Variants in CAMK4 observed in about 807,000 individuals in gnomAD.
CAMK4 encodes calcium/calmodulin dependent protein kinase IV.
In CAMK4, 22 loss-of-function variants were observed where a neutral mutation model predicts 44.9. That is an observed-to-expected ratio of 0.49 (90% CI 0.35 to 0.70). The LOEUF is 0.70. CAMK4 is among the 30% of genes least tolerant of loss of function. The probability of loss-of-function intolerance (pLI) is 0.01; values close to 1 mark genes in which losing one functional copy is unlikely to be tolerated. For synonymous variants in CAMK4, 218 were observed against 215.4 expected (o/e 1.01, Z -0.11); for missense variants, 498 against 586.8 (o/e 0.85, Z 1.56).
chr5:111,418,489 T>C (rs893557815), intron 5 of CAMK4, among the ~76,000 whole-genome samples: 11 of 151,936 alleles, frequency 7.2e-5, no homozygotes, highest in Admixed American at 6.6e-5. Context: ...ATGTGCACAA[T>C]GTGCAGATTT....
intron 5 of CAMK4, among the ~76,000 whole-genome samples, chr5:111,432,421 A>G (rs746802919): frequency 3.9e-5 from 6 of 152,004 alleles, no homozygotes; most frequent in Non-Finnish European, 7.4e-5. Flanking sequence ...ATTAAAAAGA[A>G]TGAATAAGGC....
chr5:111,360,470 C>T (rs1368868471), intron 2 of CAMK4, among the ~76,000 whole-genome samples: 3 of 152,074 alleles, frequency 2.0e-5, no homozygotes, highest in Non-Finnish European at 4.4e-5. Flanking sequence ...ACTGAACACA[C>T]ACTCAGAGAC....
chr5:111,251,992 C>G (rs770143527), intron 1 of CAMK4, among the ~76,000 whole-genome samples: 1 of 152,136 alleles, frequency 6.6e-6, no homozygotes, highest in Admixed American at 6.5e-5. Context: ...CACACTTGTG[C>G]GTCTCTGTAC....
At chr5:111,470,393 C>A (rs766765130) in intron 7 of CAMK4, among the ~76,000 whole-genome samples, 10 of 152,244 alleles carry the variant, frequency 6.6e-5, no homozygotes, top group Admixed American at 2.0e-4. Flanking sequence ...AAGGGTGCAT[C>A]TTGCTGAATT....
At chr5:111,263,262 C>T (rs1750075059) in intron 1 of CAMK4, among the ~76,000 whole-genome samples, 1 of 152,076 alleles carries the variant, frequency 6.6e-6, no homozygotes. Context: ...GATCTTCAGG[C>T]AGTACTGGAA....
intron 2 of CAMK4, among the ~76,000 whole-genome samples, chr5:111,372,841 C>G (rs1188823238): frequency 6.6e-6 from 1 of 152,072 alleles, no homozygotes; most frequent in Non-Finnish European, 1.5e-5. Flanking sequence ...GCTGCAAAAG[C>G]TCCAGAGCCT....
chr5:111,336,248 C>T (rs1345407981), intron 1 of CAMK4, among the ~76,000 whole-genome samples: 3 of 151,086 alleles, frequency 2.0e-5, no homozygotes, highest in Non-Finnish European at 4.5e-5. Context: ...GTATAATCTC[C>T]TTGCTTCTTT....
chr5:111,427,211 C>G (rs1753258317), intron 5 of CAMK4, among the ~76,000 whole-genome samples: 1 of 152,082 alleles, frequency 6.6e-6, no homozygotes, highest in Non-Finnish European at 1.5e-5. Context: ...CATTCCAGGC[C>G]CTAGCTCCCA....
intron 7 of CAMK4, among the ~76,000 whole-genome samples, chr5:111,463,667 ACT>A (rs1754719516): frequency 6.6e-6 from 1 of 151,952 alleles, no homozygotes; most frequent in Non-Finnish European, 1.5e-5. Context: ...ACACCACAAG[ACT>A]CTGTGTAGAC....
At chr5:111,413,026 C>T (rs1471265781) in intron 5 of CAMK4, among the ~76,000 whole-genome samples, 2 of 152,238 alleles carry the variant, frequency 1.3e-5, no homozygotes, top group East Asian at 3.9e-4. Flanking sequence ...TACGCCGCTG[C>T]TTCAATAAAA....
At chr5:111,472,086 G>T (rs1014018698) in intron 7 of CAMK4, among the ~76,000 whole-genome samples, 2 of 151,826 alleles carry the variant, frequency 1.3e-5, no homozygotes, top group African/African-American at 2.4e-5. Flanking sequence ...GTAGAGACAG[G>T]GTTTCACCAT....
chr5:111,465,992 T>C (rs1754814107), intron 7 of CAMK4, among the ~76,000 whole-genome samples: 1 of 152,156 alleles, frequency 6.6e-6, no homozygotes, highest in African/African-American at 2.4e-5. Context: ...ATCAAAAAGA[T>C]AATCCACCAT....
intron 2 of CAMK4, among the ~76,000 whole-genome samples, chr5:111,358,935 T>A (rs944727656): frequency 6.6e-6 from 1 of 152,172 alleles, no homozygotes; most frequent in Admixed American, 6.6e-5. Flanking sequence ...TGCATAGTAT[T>A]CTATGTATAT....
At chr5:111,313,307 T>A (rs1748288319) in intron 1 of CAMK4, among the ~76,000 whole-genome samples, 1 of 152,192 alleles carries the variant, frequency 6.6e-6, no homozygotes, top group African/African-American at 2.4e-5. Flanking sequence ...CTCACTGTTC[T>A]TTGTGTGGGA....
intron 7 of CAMK4, among the ~76,000 whole-genome samples, chr5:111,457,053 A>G (rs539936697): frequency 5.3e-5 from 8 of 152,320 alleles, no homozygotes; most frequent in Admixed American, 1.3e-4. Flanking sequence ...ATGGAGGTCA[A>G]TGAGCTGCTC....
At chr5:111,256,364 G>A (rs1172899226) in intron 1 of CAMK4, among the ~76,000 whole-genome samples, 1 of 152,088 alleles carries the variant, frequency 6.6e-6, no homozygotes, top group Non-Finnish European at 1.5e-5. Context: ...TTGTATCTTG[G>A]TTGTGTTGGT....
Position 111,334,320 on chromosome 5 carries a change from A to G in CAMK4, c.162-9704A>G, listed in dbSNP as rs538335679. Among the ~76,000 whole-genome samples, 5 of 151,684 alleles carry G rather than the reference A, an allele frequency of 3.3e-5. No homozygotes were observed. The South Asian group carries it at 1.0e-3, about 31-fold the overall frequency. ...TTCCTCCAGTTGTTTGTTGATTTTAAGGTTCAGACTTTTTTCCCTCTTGGT... is the reference window on the plus strand; with the variant it reads ...TTCCTCCAGTTGTTTGTTGATTTTAGGGTTCAGACTTTTTTCCCTCTTGGT... On this transcript the variant is annotated intron_variant, in intron 1 of 10. Transcript: ENST00000282356.
intron 7 of CAMK4, among the ~76,000 whole-genome samples, chr5:111,450,743 G>A (rs1754202155): frequency 6.6e-6 from 1 of 151,014 alleles, no homozygotes; most frequent in South Asian, 2.1e-4. Context: ...AAGCAAGATT[G>A]CACCATTGCA....
At chr5:111,396,631 CTTTTTT>C (rs540495109) in intron 5 of CAMK4, among the ~76,000 whole-genome samples, 68 of 47,008 alleles carry the variant, frequency 1.4e-3, no homozygotes, top group African/African-American at 5.5e-3. Context: ...AACTCATATT[CTTTTTT>C]TTTTTTTTTT....
Sources: allele counts gnomAD v4.1 joint callset (sites outside exome capture counted in the v4.1 genomes callset), GRCh38; gene constraint gnomAD v4.1.1; transcripts MANE v1.5; gene names NCBI Gene and HGNC (gene_info 2026-07-23, HGNC 2026-07-21).